The following MAP4K4 variants were observed in gnomAD, a reference collection of about 807,000 sequenced individuals.
The protein encoded by MAP4K4 is mitogen-activated protein kinase kinase kinase kinase 4.
A neutral mutation model predicts 189.6 loss-of-function variants in MAP4K4; 38 were observed. The ratio of observed to expected loss-of-function variants is 0.20; its 90% CI spans 0.15 to 0.26. The LOEUF is 0.26. Among genes scored for constraint, MAP4K4 ranks in the 10% least tolerant of loss-of-function variants. MAP4K4 has a pLI of 1.00. For missense variants in MAP4K4, 1,054 were observed against 1,726.9 expected, an observed-to-expected ratio of 0.61 and a Z score of 6.91; for synonymous variants, 610 against 624.3, an observed-to-expected ratio of 0.98 and a Z score of 0.34.
At chr2:101,766,027 G>T (rs901408553) in intron 2 of MAP4K4, among the ~76,000 whole-genome samples, 1 of 152,132 alleles carries the variant, frequency 6.6e-6, no homozygotes, top group Admixed American at 6.5e-5. Context: ...GACATGGGTG[G>T]ATGGAAAGTG....
intron 7 of MAP4K4, among the ~76,000 whole-genome samples, chr2:101,832,257 A>G (rs2096614174): frequency 6.6e-6 from 1 of 152,196 alleles, no homozygotes; most frequent in Non-Finnish European, 1.5e-5. Flanking sequence ...TACAGCTTTT[A>G]TTTGGTACAC....
chr2:101,709,806 C>G (rs55920032), intron 2 of MAP4K4, among the ~76,000 whole-genome samples: 1 of 151,746 alleles, frequency 6.6e-6, no homozygotes, highest in African/African-American at 2.4e-5. Flanking sequence ...GTGTTTTGGG[C>G]GAATAAGTTT....
intron 2 of MAP4K4, among the ~76,000 whole-genome samples, chr2:101,737,837 C>G (rs557485984): frequency 2.0e-5 from 3 of 152,250 alleles, no homozygotes; most frequent in South Asian, 2.1e-4. Context: ...TTCTCCCTCA[C>G]TTAGGCTCCT....
chr2:101,878,801 T>C (rs889721297), intron 27 of MAP4K4, among the ~76,000 whole-genome samples: 8 of 152,250 alleles, frequency 5.3e-5, no homozygotes, highest in African/African-American at 1.9e-4. Context: ...TTTAATTATC[T>C]GCTTGTTAGT....
chr2:101,828,571 T>A (rs1192110216), intron 5 of MAP4K4, among the ~76,000 whole-genome samples: 2 of 152,206 alleles, frequency 1.3e-5, no homozygotes, highest in Non-Finnish European at 2.9e-5. Context: ...AAATTAGTAT[T>A]CTAGAGGAGC....
intron 12 of MAP4K4, among the ~76,000 whole-genome samples, chr2:101,844,895 A>C (rs1309030828): frequency 6.6e-6 from 1 of 152,112 alleles, no homozygotes; most frequent in African/African-American, 2.4e-5. Context: ...TATGTAACAA[A>C]CCACGTTCTG....
chr2:101,891,987 TAAAAAAAAAAAAAAAAAAAAA>T (rs60620198), exon 33 of MAP4K4: 2 of 59,818 alleles, frequency 3.3e-5, no homozygotes, highest in Non-Finnish European at 5.6e-5. Flanking sequence ...CAGATGGTTC[TAAAAAAAAAAAAAAAAAAAAA>T]AAAAAAAGGA....
Position 101,782,808 on chromosome 2 carries a change from G to A in MAP4K4, c.124-7912G>A, listed in dbSNP as rs577893941. 8.5e-5 allele frequency among the ~76,000 whole-genome samples: 13 copies of A among 152,294 alleles called. No homozygotes were observed. In the East Asian group the frequency reaches 2.1e-3, roughly 25 times the overall value. On this transcript the variant is annotated intron_variant, in intron 2 of 32. Coordinates refer to ENST00000324219, the Ensembl canonical transcript of MAP4K4. Reference sequence around the variant, plus strand: ...TCTTATCTTAGATGGCTCCTGGAGAGCTGTCTGGGTAATATGCTCTCCCAC... The same window carrying A: ...TCTTATCTTAGATGGCTCCTGGAGAACTGTCTGGGTAATATGCTCTCCCAC...
At chr2:101,707,004 G>T (rs1008264124) in intron 2 of MAP4K4, among the ~76,000 whole-genome samples, 2 of 152,132 alleles carry the variant, frequency 1.3e-5, no homozygotes, top group African/African-American at 4.8e-5. Context: ...AGAGAAAGGG[G>T]ACCTGGGGCT....
chr2:101,707,282 T>C (rs1468749401), intron 2 of MAP4K4, among the ~76,000 whole-genome samples: 1 of 150,982 alleles, frequency 6.6e-6, no homozygotes, highest in Non-Finnish European at 1.5e-5. Context: ...CATCTTGGCT[T>C]ACTGTAGCCT....
intron 2 of MAP4K4, among the ~76,000 whole-genome samples, chr2:101,708,263 A>C (rs2043455620): frequency 6.6e-6 from 1 of 152,324 alleles, no homozygotes; most frequent in Non-Finnish European, 1.5e-5. Context: ...TGTGTCTTTG[A>C]TTTTGGACTT....
chr2:101,858,519 A>T (rs955644442), intron 13 of MAP4K4, among the ~76,000 whole-genome samples: 1 of 152,180 alleles, frequency 6.6e-6, no homozygotes, highest in Non-Finnish European at 1.5e-5. Flanking sequence ...TAGTGAAAGC[A>T]TGAATCATGT....
intron 2 of MAP4K4, among the ~76,000 whole-genome samples, chr2:101,762,595 G>A (rs917088647): frequency 2.0e-5 from 3 of 152,128 alleles, no homozygotes; most frequent in Non-Finnish European, 4.4e-5. Flanking sequence ...GTGGCACAGG[G>A]GAAGATTATT....
chr2:101,799,843 T>G (rs1317159321), intron 3 of MAP4K4, among the ~76,000 whole-genome samples: 4 of 152,266 alleles, frequency 2.6e-5, no homozygotes, highest in Non-Finnish European at 5.9e-5. Flanking sequence ...GCACAAGATG[T>G]CTTCCTGCCT....
At chr2:101,863,759 G>A in intron 16 of MAP4K4, 62 bp from the exon 17 acceptor site, 1 of 1,167,280 alleles carries the variant, frequency 8.6e-7, no homozygotes, top group Non-Finnish European at 1.2e-6. Flanking sequence ...ATTTGGTATT[G>A]ACCAGAAAAG....
chr2:101,893,680 G>C (rs1299938051), exon 33 of MAP4K4: 1 of 154,164 alleles, frequency 6.5e-6, no homozygotes, highest in Non-Finnish European at 1.4e-5. Context: ...ATTATCCAAA[G>C]ACTTGAAGCT....
At chr2:101,781,722 T>G (rs1356451099) in intron 2 of MAP4K4, among the ~76,000 whole-genome samples, 1 of 152,212 alleles carries the variant, frequency 6.6e-6, no homozygotes, top group Non-Finnish European at 1.5e-5. Context: ...TTTGGGGACA[T>G]TCAAACCATA....
chr2:101,760,482 C>G (rs1488634711), intron 2 of MAP4K4, among the ~76,000 whole-genome samples: 2 of 129,236 alleles, frequency 1.5e-5, no homozygotes, highest in Non-Finnish European at 3.1e-5. Context: ...AGCAAGACTC[C>G]ATCTCAAAAA....
At chr2:101,788,846 G>A (rs2092283731) in intron 2 of MAP4K4, among the ~76,000 whole-genome samples, 1 of 151,800 alleles carries the variant, frequency 6.6e-6, no homozygotes, top group Non-Finnish European at 1.5e-5. Context: ...GCTCCTTATG[G>A]CTTTATTTAT....
Sources: gnomAD v4.1 joint callset for allele counts (sites outside exome capture counted in the v4.1 genomes callset) on GRCh38, gnomAD v4.1.1 for gene constraint, MANE v1.5 for transcripts, NCBI Gene and HGNC (gene_info 2026-07-23, HGNC 2026-07-21) for gene names.